The following EXOC1 variants were observed in gnomAD, a reference collection of about 807,000 sequenced individuals.
EXOC1 encodes exocyst complex component 1, also known as SEC3-like 1.
In EXOC1, 67 loss-of-function variants were observed where a neutral mutation model predicts 107.7. That is an observed-to-expected ratio of 0.62 (90% CI 0.51 to 0.76). EXOC1 has a LOEUF of 0.76. Ranked by LOEUF, EXOC1 falls within the 30% of genes least tolerant of loss-of-function variation. The pLI is 0.00. For synonymous variants in EXOC1, 348 were observed against 353.5 expected, an observed-to-expected ratio of 0.98 and a Z score of 0.17; for missense variants, 833 against 1,055.7, an observed-to-expected ratio of 0.79 and a Z score of 2.92.
intron 9 of EXOC1, among the ~76,000 whole-genome samples, chr4:55,879,863 TAAG>T (rs1050667923): frequency 1.3e-5 from 2 of 152,252 alleles, no homozygotes; most frequent in Non-Finnish European, 2.9e-5. Flanking sequence ...AGTTTAAAAA[TAAG>T]AAATCTAATG....
At chr4:55,899,145 G>A (rs1010658001) in intron 16 of EXOC1, among the ~76,000 whole-genome samples, 3 of 151,976 alleles carry the variant, frequency 2.0e-5, no homozygotes, top group Non-Finnish European at 2.9e-5. Context: ...TGTATATGGT[G>A]TCTTTACTTT....
intron 11 of EXOC1, among the ~76,000 whole-genome samples, chr4:55,889,917 C>T (rs892045155): frequency 6.6e-5 from 10 of 152,254 alleles, no homozygotes; most frequent in South Asian, 6.2e-4. Context: ...TTTAGTCTAG[C>T]GATATCACCA....
chr4:55,864,413 A>G (rs1287803669), intron 4 of EXOC1, 27 bp downstream of exon 4: 2 of 1,541,628 alleles, frequency 1.3e-6, no homozygotes, highest in Non-Finnish European at 1.8e-6. Context: ...ATGTATATGT[A>G]AAATCAATTA....
At position 55,893,616 on chromosome 4, in the gene EXOC1, C is replaced by T; in HGVS notation, c.1789C>T (p.Leu597=). The part of the protein sequence containing the change: ...FRCIEPELNN[L]IALGDKIDSF... ...CTGCATTGAGCCAGAGCTGAACAACCTAATTGCATTAGGAGACAAAATTGA... is the reference window on the plus strand; with the variant it reads ...CTGCATTGAGCCAGAGCTGAACAACTTAATTGCATTAGGAGACAAAATTGA... The change falls in exon 15 of 19, where the codon CTA becomes TTA. Residue 597 remains leucine, a synonymous_variant. Coordinates refer to ENST00000381295, the MANE Select transcript of EXOC1 (RefSeq NM_001024924.2). 1 of 1,614,026 alleles carries T rather than the reference C, an allele frequency of 6.2e-7. No individual in the cohort carries two copies. Among genetic ancestry groups the T allele is most frequent in the Non-Finnish European group, 8.5e-7 (1 of 1,180,000 alleles).
Position 55,870,720 on chromosome 4 carries a change from A to C in EXOC1, c.646A>C (p.Ile216Leu). The change falls in exon 6 of 19, where the codon ATC (isoleucine) becomes CTC (leucine). Residue 216 changes from isoleucine (I) to leucine (L), a missense_variant. Coordinates refer to ENST00000381295, the MANE Select transcript of EXOC1 (RefSeq NM_001024924.2). ...SIMASEKQVN[I>L]LMKLLDEALK... ...CATGGCATCTGAAAAACAAGTCAAC[A>C]TCCTGATGAAATTGCTAGATGAGGC... 1.2e-6 allele frequency: 2 copies of C among 1,613,958 alleles called. No homozygotes were observed. The highest frequency in any genetic ancestry group is 1.7e-6 in the Non-Finnish European group (2 of 1,179,904).
chr4:55,888,240 C>T (rs1724115646), intron 10 of EXOC1, among the ~76,000 whole-genome samples: 1 of 152,138 alleles, frequency 6.6e-6, no homozygotes, highest in African/African-American at 2.4e-5. Context: ...TCTTATATTA[C>T]ATCTGTTCCC....
chr4:55,901,627 G>A (rs1319764289), intron 17 of EXOC1, among the ~76,000 whole-genome samples: 2 of 151,980 alleles, frequency 1.3e-5, no homozygotes, highest in South Asian at 2.1e-4. Context: ...ACATATAAAA[G>A]CAGGTTAACC....
intron 5 of EXOC1, among the ~76,000 whole-genome samples, chr4:55,869,302 G>T (rs561865807): frequency 6.6e-6 from 1 of 152,230 alleles, no homozygotes; most frequent in South Asian, 2.1e-4. Flanking sequence ...GAAGACAGAG[G>T]TTGCCGTGAA....
chr4:55,881,320 G>C (rs1022859493), intron 9 of EXOC1, among the ~76,000 whole-genome samples: 1 of 152,156 alleles, frequency 6.6e-6, no homozygotes, highest in Non-Finnish European at 1.5e-5. Context: ...AGCCTCCTGA[G>C]ATTGGCAGTC....
intron 10 of EXOC1, among the ~76,000 whole-genome samples, chr4:55,887,351 A>G (rs1381534705): frequency 6.6e-6 from 1 of 152,166 alleles, no homozygotes; most frequent in Non-Finnish European, 1.5e-5. Context: ...TGGCTGGAAG[A>G]TTAACTCAAT....
intron 9 of EXOC1, chr4:55,883,098 C>G (rs1225597215): frequency 2.0e-5 from 3 of 152,102 alleles, no homozygotes; most frequent in Non-Finnish European, 2.9e-5. Flanking sequence ...TTAATCAAAT[C>G]TGTTTTAAGA....
chr4:55,881,557 A>G (rs960992539), intron 9 of EXOC1, among the ~76,000 whole-genome samples: 4 of 152,130 alleles, frequency 2.6e-5, no homozygotes, highest in African/African-American at 9.7e-5. Context: ...TTAGGGAGAC[A>G]TGGGACGTCA....
intron 1 of EXOC1, 138 bp from the exon 2 acceptor site, chr4:55,858,176 G>A (rs1009868988): frequency 3.2e-6 from 2 of 633,504 alleles, no homozygotes; most frequent in African/African-American, 3.8e-5. Context: ...TTGTATTTTT[G>A]TGATATAGGT....
At chr4:55,866,485 G>A (rs1490076840) in intron 4 of EXOC1, among the ~76,000 whole-genome samples, 1 of 152,008 alleles carries the variant, frequency 6.6e-6, no homozygotes. Flanking sequence ...GGAGTGTCTG[G>A]GTAAAGCTTT....
At chr4:55,890,835 T>A (rs895774604) in intron 12 of EXOC1, among the ~76,000 whole-genome samples, 1 of 152,192 alleles carries the variant, frequency 6.6e-6, no homozygotes, top group Non-Finnish European at 1.5e-5. Context: ...GTTCAAGCAG[T>A]TCTTCTGCCT....
chr4:55,868,816 C>G (rs533135331), intron 5 of EXOC1: 16 of 252,380 alleles, frequency 6.3e-5, no homozygotes, highest in Middle Eastern at 1.3e-3. Context: ...TTGATTCGCT[C>G]AGCCTCTGAA....
chr4:55,902,894 T>C lies in EXOC1; in HGVS notation c.2532+356T>C, dbSNP rs186236094. Reference sequence around the variant, plus strand: ...GAAGTTACTTAACCTCTCTGAGCCTTAGTTTCCTTATTTGATAAGTGGAAA... The same window carrying C: ...GAAGTTACTTAACCTCTCTGAGCCTCAGTTTCCTTATTTGATAAGTGGAAA... On this transcript the variant is annotated intron_variant, in intron 18 of 18. Transcript: ENST00000381295. 9.9e-5 allele frequency among the ~76,000 whole-genome samples: 15 copies of C among 152,244 alleles called. No individual in the cohort carries two copies. In the East Asian group the frequency reaches 2.9e-3, roughly 29 times the overall value.
At chr4:55,872,845 C>CT in intron 8 of EXOC1, 1 of 853,248 alleles carries the variant, frequency 1.2e-6, no homozygotes, top group Middle Eastern at 6.1e-4. Flanking sequence ...TTCTCTGATT[C>CT]TGTTTTTTTT....
At chr4:55,860,281 C>T in intron 2 of EXOC1, 130 bp from the exon 3 acceptor site, 1 of 1,105,396 alleles carries the variant, frequency 9.0e-7, no homozygotes, top group Admixed American at 2.5e-5. Context: ...GGTCATAGCA[C>T]TTGTTGCAAA....
Sources: gnomAD v4.1 joint callset for allele counts (sites outside exome capture counted in the v4.1 genomes callset) on GRCh38, gnomAD v4.1.1 for gene constraint, MANE v1.5 for transcripts, NCBI Gene and HGNC (gene_info 2026-07-23, HGNC 2026-07-21) for gene names.